PAPPA2: variants seen among roughly 807,000 people sequenced by gnomAD.
The protein encoded by PAPPA2 is pappalysin-2.
Under a neutral mutation model 176.4 loss-of-function variants are expected in PAPPA2, and 86 were observed. That is an observed-to-expected ratio of 0.49 (90% CI 0.41 to 0.58). The LOEUF is 0.58. PAPPA2 is among the 20% of genes least tolerant of loss of function. PAPPA2 has a pLI of 0.00. For synonymous variants in PAPPA2, 809 were observed against 852.2 expected (o/e 0.95, Z 0.88); for missense variants, 2,073 against 2,256.9 (o/e 0.92, Z 1.65).
chr1:176,701,045 C>A (rs1476755961), intron 8 of PAPPA2, among the ~76,000 whole-genome samples: 1 of 120,408 alleles, frequency 8.3e-6, no homozygotes, highest in Admixed American at 8.0e-5. Flanking sequence ...GCTACACACA[C>A]ACACATACAC....
chr1:176,690,911 TAA>T (rs3039065), intron 5 of PAPPA2: 66,945 of 882,170 alleles, frequency 0.076, 4 homozygotes, highest in Non-Finnish European at 0.083. Context: ...TGTATGTTAC[TAA>T]AAAAAAAAAA....
chr1:176,533,476 G>A (rs192419975), intron 1 of PAPPA2, among the ~76,000 whole-genome samples: 1 of 152,298 alleles, frequency 6.6e-6, no homozygotes, highest in African/African-American at 2.4e-5. Flanking sequence ...TAAGTGTTTT[G>A]TTTCTTCAGA....
At chr1:176,632,229 A>ATGTG (rs56939950) in intron 3 of PAPPA2, among the ~76,000 whole-genome samples, 5,168 of 145,470 alleles carry the variant, frequency 0.036, 201 homozygotes, top group African/African-American at 0.1. Context: ...ATTAGTAGTG[A>ATGTG]TGTGTGTGTG....
At chr1:176,522,616 G>T (rs761023132) in intron 1 of PAPPA2, among the ~76,000 whole-genome samples, 3 of 152,140 alleles carry the variant, frequency 2.0e-5, no homozygotes, top group Admixed American at 1.3e-4. Context: ...TTCCTGCAAG[G>T]GTGCCCAGTG....
chr1:176,470,128 G>A (rs1651805778), intron 1 of PAPPA2, among the ~76,000 whole-genome samples: 5 of 152,116 alleles, frequency 3.3e-5, no homozygotes, highest in Admixed American at 2.6e-4. Context: ...ACACTAATAT[G>A]TCAATAAAAA....
chr1:176,510,074 A>G (rs539890256), intron 1 of PAPPA2, among the ~76,000 whole-genome samples: 1 of 152,216 alleles, frequency 6.6e-6, no homozygotes, highest in African/African-American at 2.4e-5. Flanking sequence ...AAAAATAAGA[A>G]AAAGAAATAT....
chr1:176,757,063 T>C (rs916788864), intron 14 of PAPPA2, among the ~76,000 whole-genome samples: 35 of 152,234 alleles, frequency 2.3e-4, no homozygotes, highest in Non-Finnish European at 1.5e-5. Context: ...CTGCATAGTA[T>C]TCCATGGTGT....
intron 21 of PAPPA2, among the ~76,000 whole-genome samples, chr1:176,810,785 A>G (rs931683012): frequency 3.9e-5 from 6 of 152,292 alleles, no homozygotes; most frequent in African/African-American, 1.4e-4. Context: ...AATCAGTTTT[A>G]CCAGGCCTTT....
chr1:176,740,984 C>A (rs1662653065), intron 14 of PAPPA2, among the ~76,000 whole-genome samples: 1 of 152,006 alleles, frequency 6.6e-6, no homozygotes, highest in Admixed American at 6.6e-5. Context: ...TGCTCCATCA[C>A]CAAAAAGAAA....
intron 21 of PAPPA2, among the ~76,000 whole-genome samples, chr1:176,825,364 T>C (rs533517139): frequency 6.6e-6 from 1 of 152,326 alleles, no homozygotes; most frequent in Non-Finnish European, 1.5e-5. Flanking sequence ...GTAGTTGTCT[T>C]CCAAATGTGG....
At chr1:176,539,805 A>G (rs950266840) in intron 1 of PAPPA2, among the ~76,000 whole-genome samples, 1 of 152,200 alleles carries the variant, frequency 6.6e-6, no homozygotes, top group African/African-American at 2.4e-5. Flanking sequence ...TTCCATTCTC[A>G]GGAGAACTCA....
intron 12 of PAPPA2, among the ~76,000 whole-genome samples, chr1:176,725,176 G>A (rs913954526): frequency 1.3e-5 from 2 of 152,086 alleles, no homozygotes; most frequent in Admixed American, 6.5e-5. Context: ...TTATGAACTC[G>A]GAAGTTTGAA....
At chr1:176,689,790 A>T (rs549957986) in intron 4 of PAPPA2, among the ~76,000 whole-genome samples, 1 of 152,182 alleles carries the variant, frequency 6.6e-6, no homozygotes, top group Non-Finnish European at 1.5e-5. Context: ...TTTGGATTCA[A>T]TTCATCTGGG....
At chr1:176,524,369 C>T (rs1289694833) in intron 1 of PAPPA2, among the ~76,000 whole-genome samples, 8 of 152,122 alleles carry the variant, frequency 5.3e-5, no homozygotes, top group African/African-American at 1.9e-4. Context: ...GGCCAGCCCT[C>T]AGGTCATGGG....
At chr1:176,699,654 C>A (rs2102818989) in intron 8 of PAPPA2, 65 bp downstream of exon 8, 2 of 1,520,820 alleles carry the variant, frequency 1.3e-6, no homozygotes, top group East Asian at 2.3e-5. Flanking sequence ...TTACTTTTCC[C>A]CCACTTTTTA....
intron 8 of PAPPA2, among the ~76,000 whole-genome samples, chr1:176,700,941 C>T (rs1053209390): frequency 2.0e-5 from 3 of 151,818 alleles, no homozygotes; most frequent in East Asian, 1.9e-4. Context: ...GACCAAAAAG[C>T]TAATGCAAAT....
Position 176,556,261 on chromosome 1 carries a change from C to G in PAPPA2, c.-62C>G. 1 of 1,530,592 alleles carries G rather than the reference C, an allele frequency of 6.5e-7. No individual in the cohort carries two copies. Among genetic ancestry groups the G allele is most frequent in the Non-Finnish European group, 8.8e-7 (1 of 1,131,306 alleles). The allele number at this position is 1,530,592 out of a possible 1,614,324, so 94.8% of individuals were successfully genotyped here. On this transcript the variant is annotated 5_prime_UTR_variant, in exon 2 of 23. Transcript: ENST00000367662. ...GCTAGCTGCCTCTTTCTCGTCTGCC[C>G]ATCACTCTGGTGTGGTACCCAGAAG...
In PAPPA2 at chr1:176,688,026, G is replaced by C. The variant is rs560340328; in HGVS notation, c.2138-2111G>C. ...CTTGTTTTTTAAAAGTATTACCCAG[G>C]TTCAGATTTTATGAACACAATTTGG... On this transcript the variant is annotated intron_variant, in intron 4 of 22. Transcript: ENST00000367662. Among the ~76,000 whole-genome samples the C allele has an allele frequency of 1.8e-4, 28 of 152,106 alleles. 1 individual carries two copies. The South Asian group carries it at 5.8e-3, about 32-fold the overall frequency.
At chr1:176,563,421 G>A (rs1162512642) in intron 2 of PAPPA2, among the ~76,000 whole-genome samples, 1 of 152,158 alleles carries the variant, frequency 6.6e-6, no homozygotes. Context: ...TAGAGCAGGG[G>A]TTGGCACATT....
Sources: allele counts gnomAD v4.1 joint callset (sites outside exome capture counted in the v4.1 genomes callset), GRCh38; gene constraint gnomAD v4.1.1; transcripts MANE v1.5; gene names NCBI Gene and HGNC (gene_info 2026-07-23, HGNC 2026-07-21).